NTRK3: variants seen among roughly 807,000 people sequenced by gnomAD.
The protein encoded by NTRK3 is neurotrophic receptor tyrosine kinase 3, also known as NT-3 growth factor receptor.
Under a neutral mutation model 91.7 loss-of-function variants are expected in NTRK3, and 24 were observed. The ratio of observed to expected loss-of-function variants is 0.26; its 90% confidence interval spans 0.19 to 0.37. The LOEUF (loss-of-function observed/expected upper bound fraction) is 0.37. NTRK3 is among the 10% of genes least tolerant of loss of function. The pLI, the probability that NTRK3 is intolerant of heterozygous loss-of-function variation, is 1.00. For missense variants in NTRK3, 880 were observed against 1,068.9 expected, an observed-to-expected ratio of 0.82 and a Z score of 2.46; for synonymous variants, 483 against 404.0, an observed-to-expected ratio of 1.20 and a Z score of -2.34.
rs1038080611 is a variant in NTRK3 at position 88,072,703 on chromosome 15, A to G, written c.1397-39658T>C. 17 of 232,708 alleles carry G rather than the reference A, an allele frequency of 7.3e-5. No homozygotes were observed. The Admixed American group carries it at 9.6e-4, about 13-fold the overall frequency. The allele number at this position is 232,708 out of a possible 1,614,324, so 14.4% of individuals were successfully genotyped here. A position where few individuals can be genotyped will look rare whatever the true frequency, so the allele number is the denominator to read the frequency against. ...CAGGGAAGTTGTACCAAGAGGGCAG[A>G]GGTATGATGGGCACTTGAAGGCTGA... is the stretch of plus-strand genomic sequence containing the variant. On this transcript the variant is annotated intron_variant, in intron 13 of 18. Coordinates refer to ENST00000394480, the Ensembl canonical transcript of NTRK3.
intron 14 of NTRK3, 138 bp downstream of exon 14, chr15:88,032,719 A>T (rs1443786948): frequency 1.0e-6 from 1 of 981,494 alleles, no homozygotes; most frequent in East Asian, 2.6e-5. Context: ...TTTTGAAACA[A>T]ACAGGGAGGG....
Position 88,241,822 on chromosome 15 carries a change from A to G in NTRK3, c.248+14084T>C, listed in dbSNP as rs1384421225. ...CGGGAATGGACGGAATCTGCCGTGC[A>G]CTCTCAGCAAAGCTTGGCCCACCTC... On this transcript the variant is annotated intron_variant, in intron 3 of 18. Coordinates refer to ENST00000394480, the Ensembl canonical transcript of NTRK3. The surrounding 1 kb of genome is among the most constrained non-coding windows in gnomAD (Gnocchi z 4.3). Among the ~76,000 whole-genome samples, 1 of 151,972 alleles carries G rather than the reference A, an allele frequency of 6.6e-6. No individual in the cohort carries two copies. The highest frequency in any genetic ancestry group is 6.6e-5 in the Admixed American group (1 of 15,266).
In NTRK3 at chr15:88,102,890, T is replaced by C. The variant is rs557688663; in HGVS notation, c.1396+23381A>G. On this transcript the variant is annotated intron_variant, in intron 13 of 18. Coordinates refer to ENST00000394480, the Ensembl canonical transcript of NTRK3. ...CTGTTGCACAAAGGTATAACCACCC[T>C]CCAGTCAGAGTTGATGAAGGCGTTT... Among the ~76,000 whole-genome samples the C allele has an allele frequency of 2.0e-5, 3 of 152,260 alleles. No homozygotes were observed. In the South Asian group the frequency reaches 6.2e-4, roughly 32 times the overall value.
At chr15:88,213,992 C>T (rs965347391) in intron 3 of NTRK3, among the ~76,000 whole-genome samples, 2 of 152,094 alleles carry the variant, frequency 1.3e-5, no homozygotes, top group East Asian at 3.9e-4. Context: ...GGCAGGATAA[C>T]TGCTTGAACC....
At chr15:87,902,931 T>C (rs535750781) in intron 17 of NTRK3, among the ~76,000 whole-genome samples, 5 of 148,610 alleles carry the variant, frequency 3.4e-5, no homozygotes, top group Middle Eastern at 6.8e-3. Flanking sequence ...CCACCCTACA[T>C]GTCTGCACCC....
rs754125614 is a variant in NTRK3 at position 87,929,329 on chromosome 15, C to A, written c.1995G>T (p.Ser665=). ...GCTGGGAGGCCAGGTACACCATACC[C>A]GAGGCGATCTGACTGGCAATGTGGA... Residue 665 remains serine, a synonymous_variant, in exon 17 of 19, where the codon TCG becomes TCT. Transcript: ENST00000394480. The A allele has an allele frequency of 3.1e-6, 5 of 1,614,040 alleles. No homozygotes were observed. The South Asian group carries it at 5.5e-5, about 18-fold the overall frequency.
At chr15:87,869,568 G>A (rs974846170) in exon 19 of NTRK3, 6 of 216,480 alleles carry the variant, frequency 2.8e-5, no homozygotes, top group South Asian at 1.9e-4. Context: ...TTGTGGCTCT[G>A]GGATTCACCT....
chr15:88,246,839 C>G (rs2052873739), intron 3 of NTRK3, among the ~76,000 whole-genome samples: 2 of 152,172 alleles, frequency 1.3e-5, no homozygotes, highest in Admixed American at 1.3e-4. Context: ...AGATGCCCCT[C>G]ATAGAGGAGA....
chr15:87,930,892 T>A (rs1033276897), intron 16 of NTRK3, among the ~76,000 whole-genome samples: 30 of 152,056 alleles, frequency 2.0e-4, no homozygotes, highest in African/African-American at 7.2e-4. Flanking sequence ...CCCCATGCTG[T>A]CTTCAGGAAG....
intron 14 of NTRK3, among the ~76,000 whole-genome samples, chr15:87,966,142 C>G (rs1441273560): frequency 1.3e-5 from 2 of 152,138 alleles, no homozygotes; most frequent in Non-Finnish European, 2.9e-5. Flanking sequence ...TGTCTTTCCT[C>G]TATGTTTACC....
At chr15:87,996,137 G>T (rs1200930189) in intron 14 of NTRK3, among the ~76,000 whole-genome samples, 1 of 152,118 alleles carries the variant, frequency 6.6e-6, no homozygotes, top group Non-Finnish European at 1.5e-5. Context: ...CCAGCTACTT[G>T]GGAGGCTGAG....
intron 13 of NTRK3, among the ~76,000 whole-genome samples, chr15:88,084,905 T>C (rs747059933): frequency 1.4e-4 from 21 of 152,168 alleles, no homozygotes; most frequent in South Asian, 2.1e-4. Context: ...TGTAGAACCA[T>C]AGTATGTACA....
At chr15:87,966,186 A>T (rs1292202349) in intron 14 of NTRK3, among the ~76,000 whole-genome samples, 1 of 152,200 alleles carries the variant, frequency 6.6e-6, no homozygotes, top group Non-Finnish European at 1.5e-5. Context: ...CTTCATAATT[A>T]CTCACTTATC....
intron 14 of NTRK3, among the ~76,000 whole-genome samples, chr15:87,999,594 A>G (rs1219391869): frequency 2.0e-5 from 3 of 152,188 alleles, no homozygotes; most frequent in Admixed American, 1.3e-4. Context: ...CCATGTAGAT[A>G]TTTCCCTGGG....
At chr15:88,105,684 C>G (rs2050628863) in intron 13 of NTRK3, among the ~76,000 whole-genome samples, 1 of 152,112 alleles carries the variant, frequency 6.6e-6, no homozygotes, top group Admixed American at 6.5e-5. Flanking sequence ...AAAGGTACCT[C>G]ATGAGTGGAA....
At chr15:88,172,746 C>T (rs561274221) in intron 5 of NTRK3, among the ~76,000 whole-genome samples, 1 of 152,228 alleles carries the variant, frequency 6.6e-6, no homozygotes, top group Non-Finnish European at 1.5e-5. Flanking sequence ...GAATGTGGTC[C>T]ACAAACAAAG....
intron 6 of NTRK3, among the ~76,000 whole-genome samples, chr15:88,139,023 A>G (rs2042138723): frequency 6.6e-6 from 1 of 152,208 alleles, no homozygotes; most frequent in Non-Finnish European, 1.5e-5. Context: ...TCTTTCATAA[A>G]TTCAATAAAT....
chr15:88,240,507 T>C lies in NTRK3; in HGVS notation c.248+15399A>G, dbSNP rs985119693. On this transcript the variant is annotated intron_variant, in intron 3 of 18. Transcript: ENST00000394480. The surrounding 1 kb of genome is among the most constrained non-coding windows in gnomAD (Gnocchi z 4.9). ...TCCTTACCACCAAAACAGCACGTCA[T>C]GTGTCCTGTCGGCCCAAGGGTGCCT... Among the ~76,000 whole-genome samples the C allele has an allele frequency of 6.6e-6, 1 of 152,142 alleles. No individual in the cohort carries two copies. Among genetic ancestry groups the C allele is most frequent in the East Asian group, 1.9e-4 (1 of 5,186 alleles).
chr15:88,094,644 T>C (rs2049396484), intron 13 of NTRK3, among the ~76,000 whole-genome samples: 1 of 152,096 alleles, frequency 6.6e-6, no homozygotes, highest in Non-Finnish European at 1.5e-5. Context: ...ACATGTAGAA[T>C]GTGAGCCTGG....
Sources: allele counts gnomAD v4.1 joint callset (sites outside exome capture counted in the v4.1 genomes callset), GRCh38; gene constraint gnomAD v4.1.1; non-coding constraint Gnocchi (gnomAD v3.1); transcripts MANE v1.5; gene names NCBI Gene and HGNC (gene_info 2026-07-23, HGNC 2026-07-21).